Variants in PRICKLE1 observed in about 807,000 individuals in gnomAD.
PRICKLE1 encodes prickle planar cell polarity protein 1.
Under a neutral mutation model 70.2 loss-of-function variants are expected in PRICKLE1, and 14 were observed. The observed-to-expected ratio is 0.20, with a 90% CI of 0.13 to 0.31. PRICKLE1 has a LOEUF of 0.31. Ranked by LOEUF, PRICKLE1 falls within the 10% of genes least tolerant of loss-of-function variation. The probability of loss-of-function intolerance (pLI) is 1.00; values close to 1 mark genes in which losing one functional copy is unlikely to be tolerated. For synonymous variants in PRICKLE1, 357 were observed against 379.9 expected (o/e 0.94, Z 0.70); for missense variants, 821 against 1,026.2 (o/e 0.80, Z 2.73).
chr12:42,582,549 G>A (rs544999366), intron 1 of PRICKLE1, among the ~76,000 whole-genome samples: 1 of 152,326 alleles, frequency 6.6e-6, no homozygotes, highest in South Asian at 2.1e-4. Context: ...AGTCACAGAA[G>A]AATGTAAAAT....
At chr12:42,480,084 C>T (rs112421908) in intron 1 of PRICKLE1, among the ~76,000 whole-genome samples, 11 of 152,300 alleles carry the variant, frequency 7.2e-5, no homozygotes, top group Admixed American at 4.6e-4. Flanking sequence ...ACACTGGCTT[C>T]GGGATTCAAG....
chr12:42,466,931 C>T (rs61924367), intron 5 of PRICKLE1, among the ~76,000 whole-genome samples: 3 of 152,110 alleles, frequency 2.0e-5, no homozygotes, highest in African/African-American at 7.2e-5. Context: ...GGCTGGAGCA[C>T]AGTGGCACAA....
chr12:42,507,726 A>G (rs952913682), intron 1 of PRICKLE1, among the ~76,000 whole-genome samples: 3 of 152,234 alleles, frequency 2.0e-5, no homozygotes, highest in Admixed American at 2.0e-4. Context: ...ATGTTGACTG[A>G]CATTTATAAA....
At chr12:42,532,031 G>A (rs1444382003) in intron 1 of PRICKLE1, among the ~76,000 whole-genome samples, 2 of 152,128 alleles carry the variant, frequency 1.3e-5, no homozygotes, top group East Asian at 3.9e-4. Context: ...GGGCATGGTG[G>A]CATGTACCTG....
At chr12:42,523,095 G>A (rs748762022) in intron 1 of PRICKLE1, among the ~76,000 whole-genome samples, 4 of 151,968 alleles carry the variant, frequency 2.6e-5, no homozygotes, top group African/African-American at 4.8e-5. Flanking sequence ...CCAAGTAGCT[G>A]GGATTACAGG....
At chr12:42,510,028 A>T (rs1939483952) in intron 1 of PRICKLE1, among the ~76,000 whole-genome samples, 1 of 151,582 alleles carries the variant, frequency 6.6e-6, no homozygotes, top group African/African-American at 2.4e-5. Context: ...AGCCAAGATC[A>T]TGCCACTGCA....
chr12:42,473,617 C>T (rs1938407159), intron 1 of PRICKLE1, among the ~76,000 whole-genome samples: 1 of 152,106 alleles, frequency 6.6e-6, no homozygotes, highest in African/African-American at 2.4e-5. Context: ...ATACCTGGGC[C>T]TTTCACCCAC....
chr12:42,498,703 C>T (rs1394089836), intron 1 of PRICKLE1, among the ~76,000 whole-genome samples: 1 of 152,226 alleles, frequency 6.6e-6, no homozygotes, highest in Non-Finnish European at 1.5e-5. Context: ...AGAAGCCCGT[C>T]CATTTCCAGT....
At chr12:42,466,465 C>A in intron 5 of PRICKLE1, 85 bp from the exon 6 acceptor site, 2 of 1,206,096 alleles carry the variant, frequency 1.7e-6, no homozygotes, top group Non-Finnish European at 2.4e-6. Context: ...GTTTTCCGGG[C>A]AATGGACAGA....
chr12:42,515,266 T>G (rs1331391275), intron 1 of PRICKLE1, among the ~76,000 whole-genome samples: 5 of 148,520 alleles, frequency 3.4e-5, no homozygotes, highest in Non-Finnish European at 7.4e-5. Flanking sequence ...TGAGATGGAA[T>G]TTCGCTCTTA....
chr12:42,537,838 T>A (rs1940040920), intron 1 of PRICKLE1, among the ~76,000 whole-genome samples: 1 of 152,228 alleles, frequency 6.6e-6, no homozygotes, highest in Non-Finnish European at 1.5e-5. Flanking sequence ...GACTCACTTG[T>A]TCAAAGAAGC....
chr12:42,578,591 TTTAGATAAAAGGGTAAACAGCTGAG>T (rs1471102064), intron 1 of PRICKLE1, among the ~76,000 whole-genome samples: 1 of 152,104 alleles, frequency 6.6e-6, no homozygotes, highest in Non-Finnish European at 1.5e-5. Context: ...TCTGGCTTTA[TTTAGATAAAAGGGTAAACAGCTGAG>T]AAACTCCACT....
chr12:42,519,775 A>G (rs1939677649), intron 1 of PRICKLE1, among the ~76,000 whole-genome samples: 1 of 152,086 alleles, frequency 6.6e-6, no homozygotes, highest in Non-Finnish European at 1.5e-5. Context: ...GGTAGCTTGA[A>G]AGCAAAGCAG....
At chr12:42,497,010 G>T (rs1238180853) in intron 1 of PRICKLE1, among the ~76,000 whole-genome samples, 2 of 152,210 alleles carry the variant, frequency 1.3e-5, no homozygotes, top group Non-Finnish European at 2.9e-5. Context: ...TTTGGCACAA[G>T]AGGACTAGCT....
chr12:42,459,227 A>G lies in PRICKLE1; in HGVS notation c.*582T>C, dbSNP rs1330035068. On this transcript the variant is annotated 3_prime_UTR_variant, in exon 8 of 8. Coordinates refer to ENST00000345127, the MANE Select transcript of PRICKLE1 (RefSeq NM_153026.3). ...TTAGGAATACACTTAAGTCTATGAA[A>G]TACTAAGTTATAAATAGCAATGTTT... is the stretch of plus-strand genomic sequence containing the variant. The G allele has an allele frequency of 2.9e-6, 2 of 695,754 alleles. No homozygotes were observed. The highest frequency in any genetic ancestry group is 3.0e-5 in the South Asian group (2 of 67,018). 43.1% of individuals were successfully genotyped at this position (695,754 alleles called of 1,614,324 possible).
chr12:42,506,262 T>G (rs1162821680), intron 1 of PRICKLE1, among the ~76,000 whole-genome samples: 6 of 146,126 alleles, frequency 4.1e-5, no homozygotes, highest in Admixed American at 2.7e-4. Context: ...TTTCTTTCTT[T>G]TTTTTTTTTT....
At chr12:42,527,959 ATATATATATATATC>A (rs1308447764) in intron 1 of PRICKLE1, among the ~76,000 whole-genome samples, 3,285 of 16,532 alleles carry the variant, frequency 0.2, 353 homozygotes, top group East Asian at 0.37. Context: ...ATATATATAT[ATATATATATATATC>A]TCCAAAGTTT....
intron 1 of PRICKLE1, among the ~76,000 whole-genome samples, chr12:42,518,491 T>C (rs1259667826): frequency 6.6e-6 from 1 of 152,210 alleles, no homozygotes; most frequent in Non-Finnish European, 1.5e-5. Context: ...GAAATTCATA[T>C]GTTGTGAATT....
chr12:42,560,722 G>GA (rs1036715777), intron 1 of PRICKLE1, among the ~76,000 whole-genome samples: 3 of 148,784 alleles, frequency 2.0e-5, no homozygotes, highest in Non-Finnish European at 4.5e-5. Context: ...TCTAATTCTA[G>GA]AAAAAAAATC....
Sources: gnomAD v4.1 joint callset for allele counts (sites outside exome capture counted in the v4.1 genomes callset) on GRCh38, gnomAD v4.1.1 for gene constraint, MANE v1.5 for transcripts, NCBI Gene and HGNC (gene_info 2026-07-23, HGNC 2026-07-21) for gene names.